DACT1: variants seen among roughly 807,000 people sequenced by gnomAD.
DACT1 encodes dapper homolog 1.
Under a neutral mutation model 35.3 loss-of-function variants are expected in DACT1, and 19 were observed. That is an observed-to-expected ratio of 0.54 (90% CI 0.38 to 0.79). The LOEUF is 0.79. DACT1 is among the 30% of genes least tolerant of loss of function. The pLI, the probability that DACT1 is intolerant of heterozygous loss-of-function variation, is 0.00. For synonymous variants in DACT1, 545 were observed against 466.7 expected (o/e 1.17, Z -2.16); for missense variants, 1,143 against 1,057.5 (o/e 1.08, Z -1.12).
At chr14:58,634,824 G>C (rs1043384247), upstream of DACT1, among the ~76,000 whole-genome samples, 1 of 152,194 alleles carries the variant, frequency 6.6e-6, no homozygotes, top group Non-Finnish European at 1.5e-5. Flanking sequence ...GTTAGGAGCT[G>C]TTCTGCCTAA....
Position 58,645,940 on chromosome 14 carries a change from C to T in DACT1, c.1206C>T (p.Cys402=), listed in dbSNP as rs2047673219. The part of the protein sequence containing the change: ...ESKRVPLPEG[C]PSGAASDLQS... ...AGAGGGTGCCCCTGCCAGAGGGCTGCCCCTCAGGCGCTGCCTCCGACCTTC... is the reference window on the plus strand; with the variant it reads ...AGAGGGTGCCCCTGCCAGAGGGCTGTCCCTCAGGCGCTGCCTCCGACCTTC... The change falls in exon 4 of 4, where the codon TGC becomes TGT. Residue 402 remains cysteine, a synonymous_variant. Coordinates refer to ENST00000395153, the MANE Select transcript of DACT1 (RefSeq NM_001079520.2). 3.7e-6 allele frequency: 6 copies of T among 1,613,874 alleles called. No homozygotes were observed. The Admixed American group carries it at 1.0e-4, about 27-fold the overall frequency.
rs1313162472 is a variant in DACT1, at chr14:58,645,305, G to A, written c.635-64G>A. The A allele has an allele frequency of 1.9e-6, 3 of 1,614,042 alleles. No homozygotes were observed. The African/African-American group carries it at 4.0e-5, about 22-fold the overall frequency. On this transcript the variant is annotated intron_variant, in intron 3 of 3. Transcript: ENST00000395153. Reference sequence around the variant, plus strand: ...TAAAGAAGGCCACTGTGAAGACCAGGCCTCAGGGGCAGTTTGCCGTTCCCT... The same window carrying A: ...TAAAGAAGGCCACTGTGAAGACCAGACCTCAGGGGCAGTTTGCCGTTCCCT...
Position 58,638,120 on chromosome 14 carries a change from C to G in DACT1, c.-83C>G, listed in dbSNP as rs1371924486. The G allele has an allele frequency of 9.1e-6, 11 of 1,215,458 alleles. No homozygotes were observed. Among genetic ancestry groups the G allele is most frequent in the Non-Finnish European group, 1.1e-5 (11 of 975,810 alleles). 75.3% of individuals were successfully genotyped at this position (1,215,458 alleles called of 1,614,324 possible). A position where few individuals can be genotyped will look rare whatever the true frequency, so the allele number is the denominator to read the frequency against. On this transcript the variant is annotated 5_prime_UTR_variant, in exon 1 of 4. Coordinates refer to ENST00000395153, the MANE Select transcript of DACT1 (RefSeq NM_001079520.2). Reference sequence around the variant, plus strand: ...CCCGCCACAGGGCGGCATGAGCCCACCCGCGGCCGCAGCCCTAGCGCCCTG... The same window carrying G: ...CCCGCCACAGGGCGGCATGAGCCCAGCCGCGGCCGCAGCCCTAGCGCCCTG...
chr14:58,634,168 C>A (rs1231979386), upstream of DACT1: 1 of 152,202 alleles, frequency 6.6e-6, no homozygotes, highest in Non-Finnish European at 1.5e-5. Flanking sequence ...TTTAACAGCA[C>A]TAAAACACAG....
intron 1 of DACT1, chr14:58,639,386 G>T: frequency 2.0e-6 from 1 of 508,800 alleles, no homozygotes; most frequent in Non-Finnish European, 2.5e-6. Context: ...CCCCGCCTCA[G>T]AATAATGGCG....
Position 58,647,135 on chromosome 14 carries a change from G to C in DACT1, c.*1G>C, listed in dbSNP as rs779863702. The C allele has an allele frequency of 1.2e-5, 20 of 1,613,020 alleles. No individual in the cohort carries two copies. The Admixed American group carries it at 2.7e-4, about 22-fold the overall frequency. Reference sequence around the variant, plus strand: ...TTTGAAACTGATGACGACGGTTTGAGTGACATCATTGGTGTAGAAAGTTTG... The same window carrying C: ...TTTGAAACTGATGACGACGGTTTGACTGACATCATTGGTGTAGAAAGTTTG... On this transcript the variant is annotated 3_prime_UTR_variant, in exon 4 of 4. Coordinates refer to ENST00000395153, the MANE Select transcript of DACT1 (RefSeq NM_001079520.2).
chr14:58,639,583 G>T (rs1245984640), intron 1 of DACT1, among the ~76,000 whole-genome samples: 1 of 152,164 alleles, frequency 6.6e-6, no homozygotes, highest in Non-Finnish European at 1.5e-5. Context: ...TTTTCTCTGT[G>T]TGTGTGTGTG....
At chr14:58,637,180 C>T (rs2047578503), upstream of DACT1, among the ~76,000 whole-genome samples, 2 of 152,328 alleles carry the variant, frequency 1.3e-5, no homozygotes, top group Admixed American at 1.3e-4. Flanking sequence ...AGTCAGAGCT[C>T]TTATTGTAAA....
rs2047686167 is a variant in DACT1 at position 58,646,532 on chromosome 14, GGGCCCGAGGCTGGTGTTCCCGGCA to G, written c.1805_1828del (p.Glu602_Pro609del). 3 of 1,556,688 alleles carry G rather than the reference GGGCCCGAGGCTGGTGTTCCCGGCA, an allele frequency of 1.9e-6. No individual in the cohort carries two copies. The highest frequency in any genetic ancestry group is 1.2e-5 in the South Asian group (1 of 84,588). On this transcript the variant is annotated inframe_deletion, in exon 4 of 4. Coordinates refer to ENST00000395153, the MANE Select transcript of DACT1 (RefSeq NM_001079520.2). ...CTCCAAGGGGAGGAAGAGTGGGGGCGGGCCCGAGGCTGGTGTTCCCGGCAGGCCCGCGGGCGGGGGCCACAGGGC... is the reference window on the plus strand; with the variant it reads ...CTCCAAGGGGAGGAAGAGTGGGGGCGGGCCCGCGGGCGGGGGCCACAGGGC...
Position 58,640,684 on chromosome 14 carries a change from G to C in DACT1, c.346-52G>C, listed in dbSNP as rs544319245. On this transcript the variant is annotated intron_variant, in intron 1 of 3. Coordinates refer to ENST00000395153, the MANE Select transcript of DACT1 (RefSeq NM_001079520.2). ...TTGAATCCTTAGAGTAGACTTTCTG[G>C]TTCTTTTGTCACCCCTGTATGTTCA... is the stretch of plus-strand genomic sequence containing the variant. 20 of 1,604,254 alleles carry C rather than the reference G, an allele frequency of 1.2e-5. No homozygotes were observed. The East Asian group carries it at 4.5e-4, about 36-fold the overall frequency.
intron 3 of DACT1, among the ~76,000 whole-genome samples, chr14:58,642,794 T>C (rs1328030103): frequency 6.6e-6 from 1 of 152,252 alleles, no homozygotes; most frequent in Non-Finnish European, 1.5e-5. Flanking sequence ...TTTCATGTTC[T>C]CCAGAATGTT....
chr14:58,645,269 TTG>T, intron 3 of DACT1, 98 bp from the exon 4 acceptor site: 1 of 1,613,684 alleles, frequency 6.2e-7, no homozygotes, highest in Non-Finnish European at 8.5e-7. Context: ...TCTCATAGGA[TTG>T]TTGGAATATA....
At chr14:58,637,793 C>T (rs1367970173), upstream of DACT1, among the ~76,000 whole-genome samples, 11 of 48,864 alleles carry the variant, frequency 2.3e-4, no homozygotes, top group African/African-American at 4.3e-4. Flanking sequence ...CGAGGAGGGG[C>T]GGGGAGGGCC....
rs753106713 is a variant in DACT1, at chr14:58,638,191, C to G, written c.-12C>G. 1 of 1,306,538 alleles carries G rather than the reference C, an allele frequency of 7.7e-7. No individual in the cohort carries two copies. Among genetic ancestry groups the G allele is most frequent in the Non-Finnish European group, 9.7e-7 (1 of 1,029,734 alleles). The allele number at this position is 1,306,538 out of a possible 1,614,324, so 80.9% of individuals were successfully genotyped here. ...GGCTGCGGTGACGGCTCTCGCTGCC[C>G]GACTGGGGGCCATGAAGCCGAGTCC... On this transcript the variant is annotated 5_prime_UTR_variant, in exon 1 of 4. Transcript: ENST00000395153.
chr14:58,640,708 C>A, intron 1 of DACT1, 28 bp from the exon 2 acceptor site: 1 of 1,613,266 alleles, frequency 6.2e-7, no homozygotes, highest in South Asian at 1.1e-5. Context: ...CCTGTATGTT[C>A]ATGTTTCCTT....
rs1272129508 is a variant in DACT1, at chr14:58,646,847, A to G, written c.2113A>G (p.Ser705Gly). The change falls in exon 4 of 4, where the codon AGT becomes GGT. Residue 705 changes from serine (S) to glycine (G), a missense_variant. This residue lies in a region of DACT1 where 1,054 missense variants were observed against 958.8 expected (regional missense o/e 1.10). Transcript: ENST00000395153. Reference protein sequence around the residue: ...SLFHSTVVDTSEDEQSNYTTN... With the variant: ...SLFHSTVVDTGEDEQSNYTTN... ...GTTCCACTCCACCGTGGTGGACACC[A>G]GTGAGGACGAGCAGAGCAATTACAC... is the stretch of plus-strand genomic sequence containing the variant. The G allele has an allele frequency of 6.2e-7, 1 of 1,614,158 alleles. No individual in the cohort carries two copies.
At chr14:58,639,554 T>C (rs913803560) in intron 1 of DACT1, among the ~76,000 whole-genome samples, 4 of 152,010 alleles carry the variant, frequency 2.6e-5, no homozygotes, top group African/African-American at 9.7e-5. Context: ...TCTTCTATTA[T>C]CTCTTTTCAG....
chr14:58,643,672 C>T (rs1249605061), intron 3 of DACT1, among the ~76,000 whole-genome samples: 1 of 152,190 alleles, frequency 6.6e-6, no homozygotes, highest in Non-Finnish European at 1.5e-5. Context: ...CTTCCAAATG[C>T]CACTTCCTCA....
intron 2 of DACT1, 144 bp downstream of exon 2, chr14:58,641,012 GT>G: frequency 1.1e-6 from 1 of 906,686 alleles, no homozygotes; most frequent in Non-Finnish European, 1.6e-6. Flanking sequence ...CTGCCATTCA[GT>G]TTTATCGGAA....
Sources: gnomAD v4.1 joint callset for allele counts (sites outside exome capture counted in the v4.1 genomes callset) on GRCh38, gnomAD v4.1.1 for gene constraint, gnomAD v4.1.1 regional missense constraint, MANE v1.5 for transcripts, NCBI Gene and HGNC (gene_info 2026-07-23, HGNC 2026-07-21) for gene names.